Variants in CRISPLD2 observed in about 807,000 individuals in gnomAD.
The protein encoded by CRISPLD2 is cysteine-rich secretory protein LCCL domain-containing 2.
In CRISPLD2, 47 loss-of-function variants were observed where a neutral mutation model predicts 71.1. The ratio of observed to expected loss-of-function variants is 0.66; its 90% CI spans 0.52 to 0.84. The LOEUF is 0.84. Ranked by LOEUF, CRISPLD2 falls within the 40% of genes least tolerant of loss-of-function variation. The probability of loss-of-function intolerance (pLI) is 0.00; values close to 1 mark genes in which losing one functional copy is unlikely to be tolerated. For synonymous variants in CRISPLD2, 317 were observed against 250.1 expected, an observed-to-expected ratio of 1.27 and a Z score of -2.52; for missense variants, 830 against 651.1, an observed-to-expected ratio of 1.27 and a Z score of -2.99.
intron 4 of CRISPLD2, among the ~76,000 whole-genome samples, chr16:84,850,299 C>G (rs1178333619): frequency 6.6e-6 from 1 of 152,118 alleles, no homozygotes; most frequent in African/African-American, 2.4e-5. Context: ...CCATGTTGGT[C>G]AGGCTGGTCT....
At chr16:84,892,638 A>G (rs1226259772) in intron 14 of CRISPLD2, among the ~76,000 whole-genome samples, 1 of 152,090 alleles carries the variant, frequency 6.6e-6, no homozygotes, top group African/African-American at 2.4e-5. Flanking sequence ...AACACACCGC[A>G]TCTTCAAGAT....
intron 6 of CRISPLD2, 103 bp from the exon 7 acceptor site, chr16:84,866,794 A>G: frequency 2.6e-6 from 3 of 1,134,366 alleles, no homozygotes; most frequent in Non-Finnish European, 3.8e-6. Context: ...TTGTAAAACC[A>G]AACCTCAAAC....
chr16:84,841,266 C>T (rs1050848052), intron 2 of CRISPLD2, among the ~76,000 whole-genome samples: 2 of 152,170 alleles, frequency 1.3e-5, no homozygotes, highest in African/African-American at 2.4e-5. Context: ...AGCAAGCAAG[C>T]GTGCAGGGAA....
chr16:84,900,687 G>A (rs1423233868), intron 14 of CRISPLD2, among the ~76,000 whole-genome samples: 2 of 152,032 alleles, frequency 1.3e-5, no homozygotes, highest in African/African-American at 2.4e-5. Context: ...ACTCCTAGGC[G>A]CTCACTCTCA....
intron 14 of CRISPLD2, among the ~76,000 whole-genome samples, chr16:84,898,067 C>T (rs1345091559): frequency 6.6e-6 from 1 of 152,230 alleles, no homozygotes; most frequent in Admixed American, 6.5e-5. Context: ...ATCCGTTTAT[C>T]ATCACTGATT....
chr16:84,850,047 T>G (rs1430227174), intron 4 of CRISPLD2, among the ~76,000 whole-genome samples: 2 of 151,910 alleles, frequency 1.3e-5, no homozygotes, highest in African/African-American at 4.8e-5. Flanking sequence ...TATGGCAATT[T>G]GACATTGTGG....
chr16:84,833,752 G>A (rs998143787), intron 1 of CRISPLD2, among the ~76,000 whole-genome samples: 4 of 152,148 alleles, frequency 2.6e-5, no homozygotes, highest in African/African-American at 7.2e-5. Flanking sequence ...TTGGTGGAAC[G>A]TCACCATGAT....
At chr16:84,833,003 A>T (rs1178612018) in intron 1 of CRISPLD2, among the ~76,000 whole-genome samples, 1 of 152,186 alleles carries the variant, frequency 6.6e-6, no homozygotes, top group Non-Finnish European at 1.5e-5. Context: ...CATAGTGCAA[A>T]CAAGCTGTGT....
At position 84,824,831 on chromosome 16, in the gene CRISPLD2, G is replaced by A. The variant is rs367693212; in HGVS notation, c.-75+4698G>A. 1.4e-4 allele frequency among the ~76,000 whole-genome samples: 22 copies of A among 152,292 alleles called. No homozygotes were observed. In the South Asian group the frequency reaches 4.4e-3, roughly 30 times the overall value. ...AAAAATACAAAATATGGGGCCAGGC[G>A]CGGTGGCTCATGCCTGTCATCCCAG... On this transcript the variant is annotated intron_variant, in intron 1 of 14. Coordinates refer to ENST00000262424, the MANE Select transcript of CRISPLD2 (RefSeq NM_031476.4).
chr16:84,870,214 GA>G (rs2071455515), intron 8 of CRISPLD2, among the ~76,000 whole-genome samples: 3 of 151,784 alleles, frequency 2.0e-5, no homozygotes, highest in East Asian at 1.9e-4. Context: ...AAAGTAGAAA[GA>G]AAAAAATGTG....
At chr16:84,866,851 T>C in intron 6 of CRISPLD2, 46 bp from the exon 7 acceptor site, 1 of 1,574,876 alleles carries the variant, frequency 6.3e-7, no homozygotes, top group Non-Finnish European at 8.7e-7. Context: ...TGCGTTTTTG[T>C]TGAATCCCAG....
chr16:84,849,793 G>T (rs1292411235), intron 4 of CRISPLD2, among the ~76,000 whole-genome samples: 7 of 140,628 alleles, frequency 5.0e-5, no homozygotes, highest in African/African-American at 1.8e-4. Context: ...AGTTAGCTTA[G>T]TGCAGCCCCA....
rs1450364555 is a variant in CRISPLD2, at chr16:84,906,872, C to G, written c.*230C>G. The G allele has an allele frequency of 1.6e-6, 1 of 617,882 alleles. No individual in the cohort carries two copies. The highest frequency in any genetic ancestry group is 2.8e-5 in the East Asian group (1 of 35,350). 38.3% of individuals were successfully genotyped at this position (617,882 alleles called of 1,614,324 possible). A position where few individuals can be genotyped will look rare whatever the true frequency, so the allele number is the denominator to read the frequency against. On this transcript the variant is annotated 3_prime_UTR_variant, in exon 15 of 15. Coordinates refer to ENST00000262424, the MANE Select transcript of CRISPLD2 (RefSeq NM_031476.4). ...CCCTGGTGCCTGATCCTGCTGGGGCCTGGGGGTCTCCATCTGGACGTCCTC... is the reference window on the plus strand; with the variant it reads ...CCCTGGTGCCTGATCCTGCTGGGGCGTGGGGGTCTCCATCTGGACGTCCTC...
At chr16:84,864,428 C>T (rs189125425) in intron 6 of CRISPLD2, among the ~76,000 whole-genome samples, 1 of 152,294 alleles carries the variant, frequency 6.6e-6, no homozygotes, top group African/African-American at 2.4e-5. Flanking sequence ...ATCCTAAAGG[C>T]CAGTGGAAGA....
At chr16:84,872,891 A>T in intron 9 of CRISPLD2, 101 bp from the exon 10 acceptor site, 1 of 1,436,722 alleles carries the variant, frequency 7.0e-7, no homozygotes, top group Non-Finnish European at 9.4e-7. Context: ...CCTGTCCTTC[A>T]GGCTTTTAGT....
At chr16:84,835,807 G>A (rs991274206) in intron 1 of CRISPLD2, among the ~76,000 whole-genome samples, 4 of 152,226 alleles carry the variant, frequency 2.6e-5, no homozygotes, top group African/African-American at 9.6e-5. Context: ...TCAGAACAAA[G>A]GCGGCCAGTC....
chr16:84,862,177 G>C (rs781533640), intron 6 of CRISPLD2, among the ~76,000 whole-genome samples: 1 of 152,032 alleles, frequency 6.6e-6, no homozygotes, highest in Non-Finnish European at 1.5e-5. Flanking sequence ...CAGAACTGGA[G>C]CTGTTGGGGC....
At chr16:84,887,658 C>T (rs765585541) in intron 13 of CRISPLD2, among the ~76,000 whole-genome samples, 10 of 152,182 alleles carry the variant, frequency 6.6e-5, no homozygotes, top group Non-Finnish European at 1.2e-4. Flanking sequence ...GTGTGGATCA[C>T]CTGAGGTCAG....
intron 2 of CRISPLD2, 145 bp from the exon 3 acceptor site, chr16:84,845,641 G>T (rs1916892120): frequency 6.2e-6 from 4 of 648,804 alleles, no homozygotes; most frequent in Non-Finnish European, 1.1e-5. Context: ...ACGCCCCCCT[G>T]GCTGATTTAG....
Sources: allele counts gnomAD v4.1 joint callset (sites outside exome capture counted in the v4.1 genomes callset), GRCh38; gene constraint gnomAD v4.1.1; transcripts MANE v1.5; gene names NCBI Gene and HGNC (gene_info 2026-07-23, HGNC 2026-07-21).